The following FLT1 variants were observed in gnomAD, a reference collection of about 807,000 sequenced individuals.
FLT1 encodes the protein fms related receptor tyrosine kinase 1, also known as vascular endothelial growth factor receptor 1.
A neutral mutation model predicts 156.3 loss-of-function variants in FLT1; 49 were observed. That is an observed-to-expected ratio of 0.31 (90% CI 0.25 to 0.40). The LOEUF (loss-of-function observed/expected upper bound fraction) is 0.40. Among genes scored for constraint, FLT1 ranks in the 10% least tolerant of loss-of-function variants. FLT1 has a pLI of 1.00. For synonymous variants in FLT1, 594 were observed against 583.8 expected, an observed-to-expected ratio of 1.02 and a Z score of -0.25; for missense variants, 1,322 against 1,637.2, an observed-to-expected ratio of 0.81 and a Z score of 3.32.
chr13:28,410,538 G>T (rs565073586), intron 10 of FLT1, among the ~76,000 whole-genome samples: 23 of 152,316 alleles, frequency 1.5e-4, no homozygotes, highest in Non-Finnish European at 2.2e-4. Context: ...ATTCTAGAAG[G>T]TCTGCTCTAC....
chr13:28,440,702 T>C (rs946839294), intron 3 of FLT1, among the ~76,000 whole-genome samples: 4 of 152,124 alleles, frequency 2.6e-5, no homozygotes, highest in African/African-American at 9.7e-5. Flanking sequence ...TGTGTAACTG[T>C]GAGACCTTGG....
chr13:28,389,890 A>T lies in FLT1; in HGVS notation c.1875T>A (p.Asn625Lys), dbSNP rs764646845. Residue 625 changes from asparagine (N) to lysine (K), a missense_variant, in exon 13 of 30, where the codon AAT becomes AAA. By Grantham distance (94) the Asn-to-Lys change is moderately conservative (BLOSUM62 0). Around this residue, in one of 3 missense-constraint regions of FLT1, gnomAD observed 991 missense variants for 1,254.8 expected, o/e 0.79. Coordinates refer to ENST00000282397, the MANE Select transcript of FLT1 (RefSeq NM_002019.4). ...HSITLNLTIM[N>K]VSLQDSGTYA... Reference sequence around the variant, plus strand: ...AGGTGCCTGAATCTTGCAGGGAAACATTCATGATGGTAAGATTAAGAGTGA... The same window carrying T: ...AGGTGCCTGAATCTTGCAGGGAAACTTTCATGATGGTAAGATTAAGAGTGA... 6.2e-7 allele frequency: 1 copy of T among 1,614,118 alleles called. No homozygotes were observed. Among genetic ancestry groups the T allele is most frequent in the Non-Finnish European group, 8.5e-7 (1 of 1,180,016 alleles).
At chr13:28,400,964 G>A (rs1875394832) in intron 11 of FLT1, among the ~76,000 whole-genome samples, 1 of 152,170 alleles carries the variant, frequency 6.6e-6, no homozygotes, top group Non-Finnish European at 1.5e-5. Flanking sequence ...GGCGGCTCAG[G>A]CCTGTAATCC....
chr13:28,421,782 A>C (rs1473478921), intron 10 of FLT1, among the ~76,000 whole-genome samples: 1 of 152,228 alleles, frequency 6.6e-6, no homozygotes, highest in Non-Finnish European at 1.5e-5. Context: ...GAAGGAAGAA[A>C]ATATAATTTA....
At chr13:28,389,177 A>C (rs1197380256) in intron 13 of FLT1, 8 of 1,079,722 alleles carry the variant, frequency 7.4e-6, no homozygotes, top group Non-Finnish European at 9.0e-6. Context: ...CAAATAAATA[A>C]GCATTATAAC....
Position 28,413,575 on chromosome 13 carries a change from G to A in FLT1, c.1437-7681C>T, listed in dbSNP as rs184584638. 1.4e-3 allele frequency among the ~76,000 whole-genome samples: 216 copies of A among 152,156 alleles called. 1 individual carries two copies. The highest frequency in any genetic ancestry group is 5.0e-3 in the African/African-American group (209 of 41,502). On this transcript the variant is annotated intron_variant, in intron 10 of 29. Transcript: ENST00000282397. ...TTTTCTTCTTAGTGAAGGACTAGTT[G>A]GTGAGGAAGGGTGATTTGAGAAATA...
rs529029488 is a variant in FLT1, at chr13:28,487,308, G to C, written c.64+7472C>G. On this transcript the variant is annotated intron_variant, in intron 1 of 29. Coordinates refer to ENST00000282397, the MANE Select transcript of FLT1 (RefSeq NM_002019.4). The stretch of plus-strand genomic sequence containing the variant: ...ACTTGGCAGACTAATTCCTAATTAG[G>C]GTTTTGCTACAGGTGGCCTTGAGTT... Among the ~76,000 whole-genome samples, 3 of 152,264 alleles carry C rather than the reference G, an allele frequency of 2.0e-5. No homozygotes were observed. In the South Asian group the frequency reaches 6.2e-4, roughly 32 times the overall value.
intron 25 of FLT1, among the ~76,000 whole-genome samples, chr13:28,313,033 C>G (rs938042475): frequency 6.6e-6 from 1 of 152,106 alleles, no homozygotes; most frequent in Non-Finnish European, 1.5e-5. Flanking sequence ...GGCTGGAGTG[C>G]AGTGCCATGA....
intron 3 of FLT1, among the ~76,000 whole-genome samples, chr13:28,460,303 A>G (rs1397462649): frequency 6.6e-6 from 1 of 152,234 alleles, no homozygotes; most frequent in Non-Finnish European, 1.5e-5. Flanking sequence ...GTTATTCTCT[A>G]AAAAATAAAA....
At chr13:28,459,838 G>GTGC (rs1417203299) in intron 3 of FLT1, among the ~76,000 whole-genome samples, 1 of 152,232 alleles carries the variant, frequency 6.6e-6, no homozygotes, top group African/African-American at 2.4e-5. Flanking sequence ...GTTCAGCCAT[G>GTGC]TGCTGCTCTC....
chr13:28,473,536 T>C (rs1204134119), intron 1 of FLT1, among the ~76,000 whole-genome samples: 6 of 151,414 alleles, frequency 4.0e-5, no homozygotes, highest in Non-Finnish European at 7.4e-5. Flanking sequence ...TCCCAGCTAC[T>C]TGGGAGGCTG....
intron 14 of FLT1, among the ~76,000 whole-genome samples, chr13:28,357,963 C>T (rs1872965893): frequency 6.6e-6 from 1 of 150,866 alleles, no homozygotes; most frequent in Admixed American, 6.6e-5. Context: ...CAAATCCACC[C>T]ACCCTGTAGA....
intron 2 of FLT1, 139 bp downstream of exon 2, chr13:28,467,382 A>T: frequency 1.4e-6 from 1 of 701,542 alleles, no homozygotes; most frequent in South Asian, 1.6e-5. Flanking sequence ...ATCCCCTTTC[A>T]TGGGAAGCTG....
rs974445913 is a variant in FLT1, at chr13:28,427,883, C to A, written c.1145G>T (p.Arg382Leu). ...DGLPATEKSA[R>L]YLTRGYSLII... ...TAACGAGTAGCCACGAGTCAAATAG[C>A]GAGCAGATTTCTCAGTCGCAGGTAA... Residue 382 changes from arginine to leucine, a missense_variant, in exon 9 of 30, where the codon CGC (arginine) becomes CTC (leucine). Coordinates refer to ENST00000282397, the MANE Select transcript of FLT1 (RefSeq NM_002019.4). The A allele has an allele frequency of 6.2e-7, 1 of 1,613,956 alleles. No homozygotes were observed. The highest frequency in any genetic ancestry group is 8.5e-7 in the Non-Finnish European group (1 of 1,179,890).
chr13:28,414,137 C>T (rs928250043), intron 10 of FLT1, among the ~76,000 whole-genome samples: 6 of 152,212 alleles, frequency 3.9e-5, no homozygotes, highest in Non-Finnish European at 8.8e-5. Flanking sequence ...AGTTTGCCTA[C>T]TATTAGTGTC....
intron 27 of FLT1, among the ~76,000 whole-genome samples, chr13:28,309,696 G>A (rs1378701416): frequency 8.7e-6 from 1 of 114,508 alleles, no homozygotes; most frequent in Non-Finnish European, 1.6e-5. Flanking sequence ...GCCAGACCTT[G>A]CCAATTTATT....
Position 28,429,451 on chromosome 13 carries a change from T to G in FLT1, c.1106+599A>C, listed in dbSNP as rs377550025. On this transcript the variant is annotated intron_variant, in intron 8 of 29. Coordinates refer to ENST00000282397, the MANE Select transcript of FLT1 (RefSeq NM_002019.4). ...CAGATCATAAACAGATTACATTGTTTTACATCAGGTGTTGTACCAGTGTTT... is the reference window on the plus strand; with the variant it reads ...CAGATCATAAACAGATTACATTGTTGTACATCAGGTGTTGTACCAGTGTTT... 3.3e-5 allele frequency among the ~76,000 whole-genome samples: 5 copies of G among 152,328 alleles called. No individual in the cohort carries two copies. In the Middle Eastern group the frequency reaches 0.01, roughly 311 times the overall value.
intron 14 of FLT1, among the ~76,000 whole-genome samples, chr13:28,372,566 GTATATATATATATATATATATATATA>G (rs57608920): frequency 3.3e-5 from 3 of 91,480 alleles, no homozygotes; most frequent in Non-Finnish European, 4.4e-5. Flanking sequence ...TAAATAAAAT[GTATATATATATATATATATATATATA>G]TATATATATA....
At chr13:28,476,864 C>A (rs1013792169) in intron 1 of FLT1, among the ~76,000 whole-genome samples, 52 of 152,140 alleles carry the variant, frequency 3.4e-4, no homozygotes, top group Non-Finnish European at 6.9e-4. Flanking sequence ...TCTTACAATT[C>A]ATATTTTAAT....
Sources: gnomAD v4.1 joint callset for allele counts (sites outside exome capture counted in the v4.1 genomes callset) on GRCh38, gnomAD v4.1.1 for gene constraint, gnomAD v4.1.1 regional missense constraint, MANE v1.5 for transcripts, NCBI Gene and HGNC (gene_info 2026-07-23, HGNC 2026-07-21) for gene names.